UBE4B: variants seen among roughly 807,000 people sequenced by gnomAD.
UBE4B encodes the protein ubiquitin conjugation factor E4 B.
UBE4B carries 27 observed loss-of-function variants against 148.1 expected under a neutral mutation model. The observed-to-expected ratio is 0.18, with a 90% CI of 0.13 to 0.25. UBE4B has a LOEUF of 0.25. Among genes scored for constraint, UBE4B ranks in the 10% least tolerant of loss-of-function variants. The pLI is 1.00. For synonymous variants in UBE4B, 596 were observed against 619.3 expected, an observed-to-expected ratio of 0.96 and a Z score of 0.56; for missense variants, 1,170 against 1,662.4, an observed-to-expected ratio of 0.70 and a Z score of 5.15.
At chr1:10,072,618 C>CA in intron 2 of UBE4B, 1 of 640,646 alleles carries the variant, frequency 1.6e-6, no homozygotes, top group Non-Finnish European at 2.8e-6. Flanking sequence ...CTTCATTCTG[C>CA]ATTGGCACAG....
At chr1:10,121,429 GAGAC>G (rs1645409396) in intron 9 of UBE4B, among the ~76,000 whole-genome samples, 1 of 152,040 alleles carries the variant, frequency 6.6e-6, no homozygotes, top group African/African-American at 2.4e-5. Context: ...TTATTTTTAA[GAGAC>G]AGAATCTCAC....
chr1:10,161,365 C>T lies in UBE4B; in HGVS notation c.3198+79C>T. ...CACGGGCAGAGCTGCTTTGGGGCTG[C>T]ATTTGTGGGTCTGATGATATGCGAT... On this transcript the variant is annotated intron_variant, in intron 23 of 27. Coordinates refer to ENST00000343090, the MANE Select transcript of UBE4B (RefSeq NM_001105562.3). The surrounding 1 kb of genome is among the most constrained non-coding windows in gnomAD (Gnocchi z 4.1). 6.6e-7 allele frequency: 1 copy of T among 1,521,128 alleles called. No homozygotes were observed. The highest frequency in any genetic ancestry group is 8.9e-7 in the Non-Finnish European group (1 of 1,122,944). 94.2% of individuals were successfully genotyped at this position (1,521,128 alleles called of 1,614,324 possible).
In UBE4B at chr1:10,113,660, T is replaced by C. The variant is rs969230444; in HGVS notation, c.1197-3799T>C. ...GGGAGTAATTTCAGTGGCAGTTGCA[T>C]GAGCCAGCGCCATCTAAGCCTGCTG... is the stretch of plus-strand genomic sequence containing the variant. On this transcript the variant is annotated intron_variant, in intron 7 of 27. Coordinates refer to ENST00000343090, the MANE Select transcript of UBE4B (RefSeq NM_001105562.3). Among the ~76,000 whole-genome samples the C allele has an allele frequency of 1.3e-4, 20 of 152,188 alleles. 1 individual carries two copies. Among genetic ancestry groups the C allele is most frequent in the Non-Finnish European group, 2.9e-5 (2 of 68,028 alleles).
Position 10,126,813 on chromosome 1 carries a change from A to G in UBE4B, c.1574A>G (p.Gln525Arg), listed in dbSNP as rs567295259. 1 of 1,613,928 alleles carries G rather than the reference A, an allele frequency of 6.2e-7. No individual in the cohort carries two copies. Among genetic ancestry groups the G allele is most frequent in the African/African-American group, 1.3e-5 (1 of 75,030 alleles). ...TTATAGATATTTATCCCCATTTTAC[A>G]AGGCCTGGCTCTTGCTGCCAAAGAG... ...VFKQIFIPILQGLALAAKECS... is the reference protein window; with the variant it reads ...VFKQIFIPILRGLALAAKECS... Residue 525 changes from glutamine to arginine, a missense_variant, in exon 11 of 28, where the codon CAA becomes CGA. By Grantham distance (43) the Gln-to-Arg change is conservative. Around this residue, in one of 6 missense-constraint regions of UBE4B, gnomAD observed 388 missense variants for 536.0 expected, o/e 0.72. Coordinates refer to ENST00000343090, the MANE Select transcript of UBE4B (RefSeq NM_001105562.3).
chr1:10,110,230 A>G (rs1021400648), intron 7 of UBE4B, among the ~76,000 whole-genome samples: 2 of 152,246 alleles, frequency 1.3e-5, no homozygotes, highest in African/African-American at 4.8e-5. Context: ...TAGTTGGGAC[A>G]TACATTTATA....
intron 7 of UBE4B, among the ~76,000 whole-genome samples, chr1:10,114,081 A>G (rs12074007): frequency 2.6e-5 from 3 of 117,000 alleles, no homozygotes; most frequent in African/African-American, 1.2e-4. Context: ...AAAAAAAAGA[A>G]AAAAAAAAAA....
At chr1:10,079,070 C>T (rs547651822) in intron 2 of UBE4B, among the ~76,000 whole-genome samples, 1 of 152,116 alleles carries the variant, frequency 6.6e-6, no homozygotes, top group Non-Finnish European at 1.5e-5. Flanking sequence ...CTTCCTGCCT[C>T]AATCTCTCAA....
chr1:10,166,598 A>T (rs1210744845), intron 23 of UBE4B, among the ~76,000 whole-genome samples: 2 of 151,946 alleles, frequency 1.3e-5, no homozygotes, highest in African/African-American at 2.4e-5. Context: ...GACCAGCCTG[A>T]TCAACATAGT....
intron 18 of UBE4B, chr1:10,145,488 T>C: frequency 6.6e-6 from 1 of 152,650 alleles, no homozygotes. Context: ...TAGTCCCAGC[T>C]ACTCAGGAGG....
At position 10,094,636 on chromosome 1, in the gene UBE4B, A is replaced by T. The variant is rs370286154; in HGVS notation, c.212-825A>T. Among the ~76,000 whole-genome samples the T allele has an allele frequency of 6.0e-3, 918 of 151,740 alleles. 9 individuals carry two copies. Among genetic ancestry groups the T allele is most frequent in the Admixed American group, 0.011 (169 of 15,200 alleles). ...TTTTTAGTAGAGACGGGGTTTCACC[A>T]TGTTAGCCAGGATGGTCTCAATCTC... is the stretch of plus-strand genomic sequence containing the variant. On this transcript the variant is annotated intron_variant, in intron 2 of 27. Transcript: ENST00000343090.
At chr1:10,103,810 T>C (rs1049032455) in intron 5 of UBE4B, among the ~76,000 whole-genome samples, 2 of 152,028 alleles carry the variant, frequency 1.3e-5, no homozygotes, top group African/African-American at 4.8e-5. Flanking sequence ...GTATTTTTAG[T>C]AGAGACAGGG....
At chr1:10,130,443 A>G (rs189751135) in intron 12 of UBE4B, 57 bp from the exon 13 acceptor site, 513 of 1,417,844 alleles carry the variant, frequency 3.6e-4, no homozygotes, top group Non-Finnish European at 4.4e-4. Context: ...TTTTCATTAC[A>G]TTTTTACCCC....
chr1:10,145,303 C>T (rs184730461), intron 18 of UBE4B: 3 of 238,458 alleles, frequency 1.3e-5, no homozygotes, highest in Non-Finnish European at 2.4e-5. Context: ...CTCAGTTTAA[C>T]ATCACCTCCC....
At chr1:10,097,823 A>G (rs1644953097) in intron 3 of UBE4B, among the ~76,000 whole-genome samples, 2 of 152,046 alleles carry the variant, frequency 1.3e-5, no homozygotes, top group African/African-American at 4.8e-5. Flanking sequence ...AAAAGTAATA[A>G]ATAAATAAAC....
intron 2 of UBE4B, among the ~76,000 whole-genome samples, chr1:10,076,150 G>A (rs1644574990): frequency 6.6e-6 from 1 of 152,142 alleles, no homozygotes. Flanking sequence ...CTGTGGTCCT[G>A]GAAGTTAGAC....
intron 1 of UBE4B, among the ~76,000 whole-genome samples, chr1:10,065,725 A>G (rs1570811136): frequency 6.6e-6 from 1 of 152,188 alleles, no homozygotes; most frequent in African/African-American, 2.4e-5. Flanking sequence ...GTAGTGGGAA[A>G]TAATAATGGT....
chr1:10,151,338 G>A lies in UBE4B; in HGVS notation c.2703G>A (p.Gln901=). Residue 901 remains glutamine (Q), a synonymous_variant, in exon 21 of 28, where the codon CAG becomes CAA. Transcript: ENST00000343090. ...TGCCTCTGTTCAGATACTCTCCCCA[G>A]GCGCTTTATGAGCCCTGTACTCAGG... The part of the protein sequence containing the change: ...FLFFIVQYSP[Q]ALYEPCTQDI... 1 of 1,613,948 alleles carries A rather than the reference G, an allele frequency of 6.2e-7. No homozygotes were observed. Among genetic ancestry groups the A allele is most frequent in the Non-Finnish European group, 8.5e-7 (1 of 1,180,016 alleles).
chr1:10,082,508 AAAAC>A (rs951329483), intron 2 of UBE4B, among the ~76,000 whole-genome samples: 18 of 152,124 alleles, frequency 1.2e-4, no homozygotes, highest in Admixed American at 2.0e-4. Flanking sequence ...TCAAAAAACA[AAAAC>A]AAACAAAACC....
chr1:10,091,348 T>C (rs188083955), intron 2 of UBE4B, among the ~76,000 whole-genome samples: 1 of 152,334 alleles, frequency 6.6e-6, no homozygotes, highest in African/African-American at 2.4e-5. Context: ...AGTGATATTT[T>C]GTACTATTGA....
Sources: allele counts gnomAD v4.1 joint callset (sites outside exome capture counted in the v4.1 genomes callset), GRCh38; gene constraint gnomAD v4.1.1; regional missense constraint gnomAD v4.1.1; non-coding constraint Gnocchi (gnomAD v3.1); transcripts MANE v1.5; gene names NCBI Gene and HGNC (gene_info 2026-07-23, HGNC 2026-07-21).